The following METAP1 variants were observed in gnomAD, a reference collection of about 807,000 sequenced individuals.
METAP1 encodes the protein methionyl aminopeptidase 1.
METAP1 carries 28 observed loss-of-function variants against 53.8 expected under a neutral mutation model. That is an observed-to-expected ratio of 0.52 (90% CI 0.39 to 0.71). The LOEUF is 0.71. Among genes scored for constraint, METAP1 ranks in the 30% least tolerant of loss-of-function variants. METAP1 has a pLI of 0.00. For synonymous variants in METAP1, 181 were observed against 165.7 expected (o/e 1.09, Z -0.71); for missense variants, 389 against 479.8 (o/e 0.81, Z 1.77).
chr4:99,057,972 A>G (rs1040226231), intron 10 of METAP1, among the ~76,000 whole-genome samples, 154 bp downstream of exon 10: 20 of 152,120 alleles, frequency 1.3e-4, no homozygotes, highest in African/African-American at 4.6e-4. Context: ...GAAGAACTGA[A>G]AATTGTGAGG....
chr4:99,025,395 TG>T (rs761103290), intron 1 of METAP1: 331 of 985,284 alleles, frequency 3.4e-4, no homozygotes, highest in Non-Finnish European at 3.8e-4. Flanking sequence ...AGAAGTGAAA[TG>T]AGAGCACCTT....
chr4:99,044,502 T>C (rs1726085798), intron 7 of METAP1, among the ~76,000 whole-genome samples: 1 of 152,180 alleles, frequency 6.6e-6, no homozygotes, highest in South Asian at 2.1e-4. Flanking sequence ...TTTTATTATA[T>C]GTAGAATGTG....
chr4:99,036,880 T>C (rs1458195243), intron 4 of METAP1, among the ~76,000 whole-genome samples: 1 of 152,056 alleles, frequency 6.6e-6, no homozygotes, highest in Non-Finnish European at 1.5e-5. Flanking sequence ...AAAGGATATA[T>C]ACATTTTTGA....
intron 4 of METAP1, among the ~76,000 whole-genome samples, chr4:99,037,275 C>T (rs1439558628): frequency 6.6e-6 from 1 of 151,654 alleles, no homozygotes; most frequent in Non-Finnish European, 1.5e-5. Context: ...TTTGTTTTGT[C>T]ATTACATTTA....
intron 2 of METAP1, among the ~76,000 whole-genome samples, chr4:99,032,034 A>T (rs556249068): frequency 5.3e-5 from 8 of 152,208 alleles, no homozygotes; most frequent in Non-Finnish European, 1.0e-4. Flanking sequence ...TGGTCTGTTA[A>T]TCTGGTTAGC....
intron 5 of METAP1, 102 bp from the exon 6 acceptor site, chr4:99,040,941 G>T: frequency 4.2e-6 from 2 of 480,508 alleles, no homozygotes; most frequent in South Asian, 5.2e-5. Flanking sequence ...AATATTCAAG[G>T]GGAGATTCAT....
At chr4:99,052,460 C>T (rs199702856) in intron 9 of METAP1, among the ~76,000 whole-genome samples, 1 of 152,156 alleles carries the variant, frequency 6.6e-6, no homozygotes, top group Non-Finnish European at 1.5e-5. Context: ...AGGGAACTTA[C>T]AATCATGGCG....
intron 1 of METAP1, among the ~76,000 whole-genome samples, chr4:99,021,042 G>T (rs1724076744): frequency 6.6e-6 from 1 of 152,112 alleles, no homozygotes. Flanking sequence ...CTCCAGCTCA[G>T]GGATATCTTG....
chr4:99,001,154 C>T (rs1722906336), intron 1 of METAP1, among the ~76,000 whole-genome samples: 1 of 152,202 alleles, frequency 6.6e-6, no homozygotes, highest in Non-Finnish European at 1.5e-5. Context: ...TTCTGGAATT[C>T]ATCTTCATTA....
At position 99,061,533 on chromosome 4, in the gene METAP1, T is replaced by C; in HGVS notation, c.*216T>C. ...AACATTGCTCAACTCTTCAGCCCCC[T>C]CCCCCTGCACACCTGTTTTCTCATT... On this transcript the variant is annotated 3_prime_UTR_variant, in exon 11 of 11. Coordinates refer to ENST00000296411, the MANE Select transcript of METAP1 (RefSeq NM_015143.3). 1.0e-5 allele frequency: 4 copies of C among 387,014 alleles called. No homozygotes were observed. The highest frequency in any genetic ancestry group is 7.9e-5 in the South Asian group (1 of 12,580). The allele number at this position is 387,014 out of a possible 1,614,324, so 24.0% of individuals were successfully genotyped here.
chr4:98,999,534 CGA>C (rs1560688594), intron 1 of METAP1, among the ~76,000 whole-genome samples: 1 of 133,908 alleles, frequency 7.5e-6, no homozygotes, highest in Non-Finnish European at 1.6e-5. Context: ...TTTTTGAGAC[CGA>C]GTCTTGCTCT....
chr4:99,022,729 G>C, intron 1 of METAP1: 1 of 1,553,486 alleles, frequency 6.4e-7, no homozygotes, highest in Middle Eastern at 1.7e-4. Flanking sequence ...GGGAGGGGCT[G>C]CACCTGTGGG....
At chr4:99,051,383 T>G (rs1032833458) in intron 9 of METAP1, among the ~76,000 whole-genome samples, 1 of 152,082 alleles carries the variant, frequency 6.6e-6, no homozygotes, top group Non-Finnish European at 1.5e-5. Flanking sequence ...AAGACCCAGG[T>G]GTACTTTATT....
intron 2 of METAP1, chr4:99,031,566 A>T (rs2078910836): frequency 3.1e-6 from 4 of 1,288,420 alleles, no homozygotes; most frequent in Non-Finnish European, 3.0e-6. Flanking sequence ...ACCATGGGTT[A>T]TTCTAAGTCT....
At chr4:99,022,337 C>A in intron 1 of METAP1, 2 of 844,488 alleles carry the variant, frequency 2.4e-6, no homozygotes, top group Non-Finnish European at 1.7e-6. Flanking sequence ...AGGGAAGATC[C>A]CTCCATGCTC....
At position 99,043,233 on chromosome 4, in the gene METAP1, T is replaced by C; in HGVS notation, c.517-16T>C. On this transcript the variant is annotated splice_polypyrimidine_tract_variant and intron_variant, in intron 6 of 10. Coordinates refer to ENST00000296411, the MANE Select transcript of METAP1 (RefSeq NM_015143.3). The stretch of plus-strand genomic sequence containing the variant: ...TTTTCTTTTATATATTCCAAATTAT[T>C]TTTTCTGTATTATAGGCATGTATTG... 1 of 1,503,884 alleles carries C rather than the reference T, an allele frequency of 6.6e-7. No individual in the cohort carries two copies. Among genetic ancestry groups the C allele is most frequent in the Non-Finnish European group, 9.0e-7 (1 of 1,115,686 alleles). The allele number at this position is 1,503,884 out of a possible 1,614,324, so 93.2% of individuals were successfully genotyped here.
intron 9 of METAP1, among the ~76,000 whole-genome samples, chr4:99,053,120 T>C (rs891714542): frequency 6.6e-6 from 1 of 152,244 alleles, no homozygotes; most frequent in Admixed American, 6.5e-5. Context: ...CCACTAAGTT[T>C]CAAACTCCTC....
chr4:99,006,270 A>G (rs956458503), intron 1 of METAP1, among the ~76,000 whole-genome samples: 9 of 152,226 alleles, frequency 5.9e-5, no homozygotes, highest in African/African-American at 1.4e-4. Context: ...GGGAAGTGCT[A>G]GTGAATGTTA....
chr4:99,057,495 C>G (rs1180493338), intron 9 of METAP1, among the ~76,000 whole-genome samples: 1 of 152,180 alleles, frequency 6.6e-6, no homozygotes, highest in Non-Finnish European at 1.5e-5. Context: ...TGATACTCAT[C>G]TCTGAAATAC....
Sources: gnomAD v4.1 joint callset for allele counts (sites outside exome capture counted in the v4.1 genomes callset) on GRCh38, gnomAD v4.1.1 for gene constraint, MANE v1.5 for transcripts, NCBI Gene and HGNC (gene_info 2026-07-23, HGNC 2026-07-21) for gene names.